The following ADK variants were observed in gnomAD, a reference collection of about 807,000 sequenced individuals.
The protein encoded by ADK is adenosine kinase.
A neutral mutation model predicts 44.7 loss-of-function variants in ADK; 24 were observed. The ratio of observed to expected loss-of-function variants is 0.54; its 90% confidence interval spans 0.39 to 0.76. ADK has a LOEUF of 0.76. ADK is among the 30% of genes least tolerant of loss of function. The pLI, the probability that ADK is intolerant of heterozygous loss-of-function variation, is 0.00. For missense variants in ADK, 321 were observed against 425.1 expected (o/e 0.76, Z 2.15); for synonymous variants, 128 against 142.6 (o/e 0.90, Z 0.73).
At chr10:74,616,336 A>T (rs980233566) in intron 9 of ADK, among the ~76,000 whole-genome samples, 5 of 152,060 alleles carry the variant, frequency 3.3e-5, no homozygotes, top group Non-Finnish European at 7.4e-5. Context: ...TTTTTTCTAA[A>T]ACTTCTATTC....
chr10:74,603,433 G>A (rs1178557108), intron 9 of ADK, among the ~76,000 whole-genome samples: 1 of 151,940 alleles, frequency 6.6e-6, no homozygotes. Context: ...GACAGGCCCT[G>A]GTGTGTGATG....
At chr10:74,635,257 A>T (rs1853585169) in intron 9 of ADK, among the ~76,000 whole-genome samples, 1 of 152,256 alleles carries the variant, frequency 6.6e-6, no homozygotes, top group Admixed American at 6.5e-5. Context: ...CACATTGCAT[A>T]GAATGGGAAA....
rs567840544 is a variant in ADK at position 74,375,470 on chromosome 10, T to G, written c.274-18671T>G. ...GAATGGATGTAGGCAGGCTAAAATA[T>G]GGACTCTCCAGAGATGTGGATATGC... On this transcript the variant is annotated intron_variant, in intron 4 of 10. Coordinates refer to ENST00000539909, the MANE Select transcript of ADK (RefSeq NM_006721.4). 3.3e-5 allele frequency among the ~76,000 whole-genome samples: 5 copies of G among 152,338 alleles called. No individual in the cohort carries two copies. The South Asian group carries it at 1.0e-3, about 32-fold the overall frequency.
At position 74,654,745 on chromosome 10, in the gene ADK, G is replaced by C. The variant is rs188851452; in HGVS notation, c.878-15438G>C. On this transcript the variant is annotated intron_variant, in intron 9 of 10. Transcript: ENST00000539909. Reference sequence around the variant, plus strand: ...GAGGATTGCTTGAACCCGGGAGGCAGAGGTTGCAGTGAGTAAGCCAAGATT... The same window carrying C: ...GAGGATTGCTTGAACCCGGGAGGCACAGGTTGCAGTGAGTAAGCCAAGATT... Among the ~76,000 whole-genome samples, 24 of 152,074 alleles carry C rather than the reference G, an allele frequency of 1.6e-4. No individual in the cohort carries two copies. The East Asian group carries it at 4.7e-3, about 29-fold the overall frequency.
intron 7 of ADK, among the ~76,000 whole-genome samples, chr10:74,555,581 A>G (rs1371416717): frequency 6.6e-6 from 1 of 151,540 alleles, no homozygotes; most frequent in Non-Finnish European, 1.5e-5. Flanking sequence ...ATTGCACTCT[A>G]GCCTGGGATA....
At chr10:74,692,919 T>G (rs912686354) in intron 10 of ADK, among the ~76,000 whole-genome samples, 3 of 152,094 alleles carry the variant, frequency 2.0e-5, no homozygotes, top group African/African-American at 7.2e-5. Flanking sequence ...AACTCAAGAC[T>G]GTATATCACA....
intron 3 of ADK, among the ~76,000 whole-genome samples, chr10:74,286,372 A>G (rs1390223056): frequency 6.6e-6 from 1 of 152,228 alleles, no homozygotes. Context: ...TTTTTAAAAC[A>G]TCCTGGCCAA....
chr10:74,585,263 A>G (rs1474197844), intron 7 of ADK, among the ~76,000 whole-genome samples: 3 of 152,214 alleles, frequency 2.0e-5, no homozygotes, highest in African/African-American at 7.2e-5. Flanking sequence ...ATGAGAGTCT[A>G]AGACTTTAAT....
chr10:74,186,755 A>G (rs1842781901), intron 1 of ADK, among the ~76,000 whole-genome samples: 1 of 152,218 alleles, frequency 6.6e-6, no homozygotes. Context: ...ACTTTTGTTC[A>G]ATATAATATT....
intron 4 of ADK, among the ~76,000 whole-genome samples, chr10:74,323,691 C>T (rs975625446): frequency 2.0e-5 from 3 of 151,736 alleles, no homozygotes; most frequent in African/African-American, 7.3e-5. Context: ...CTGCCTCAGC[C>T]TCCCGAGTAG....
At chr10:74,454,581 T>C (rs536798510) in intron 6 of ADK, among the ~76,000 whole-genome samples, 4 of 152,120 alleles carry the variant, frequency 2.6e-5, no homozygotes, top group Non-Finnish European at 5.9e-5. Context: ...TGCAAAATGG[T>C]ATAGGAGAGG....
chr10:74,580,516 A>G (rs1851337389), intron 7 of ADK, among the ~76,000 whole-genome samples: 2 of 151,912 alleles, frequency 1.3e-5, no homozygotes, highest in South Asian at 4.2e-4. Flanking sequence ...CAGAGGTTAC[A>G]GTGAGCTGAG....
chr10:74,493,507 G>C (rs977795824), intron 6 of ADK, among the ~76,000 whole-genome samples: 12 of 150,106 alleles, frequency 8.0e-5, no homozygotes, highest in African/African-American at 2.5e-4. Flanking sequence ...GAGAGATATA[G>C]ATATATAGAT....
At chr10:74,356,014 T>TTTTTTTTTTTTG (rs1842133009) in intron 4 of ADK, among the ~76,000 whole-genome samples, 1 of 128,214 alleles carries the variant, frequency 7.8e-6, no homozygotes, top group African/African-American at 2.9e-5. Context: ...TTTTTTTTTT[T>TTTTTTTTTTTTG]TTTTTTTTTT....
chr10:74,410,704 A>C (rs907760356), intron 6 of ADK, among the ~76,000 whole-genome samples: 2 of 152,070 alleles, frequency 1.3e-5, no homozygotes, highest in Non-Finnish European at 2.9e-5. Flanking sequence ...AAACAAACAA[A>C]AACTTACTTA....
chr10:74,353,114 CAT>C (rs1002690916), intron 4 of ADK, among the ~76,000 whole-genome samples: 9 of 152,196 alleles, frequency 5.9e-5, no homozygotes, highest in African/African-American at 1.9e-4. Context: ...CACATGCACA[CAT>C]GTGTTTATTG....
chr10:74,339,965 C>G (rs749493594), intron 4 of ADK, among the ~76,000 whole-genome samples: 1 of 152,076 alleles, frequency 6.6e-6, no homozygotes, highest in Non-Finnish European at 1.5e-5. Context: ...TATAATACTT[C>G]TATACTGAAA....
chr10:74,524,913 G>A (rs1265461137), intron 6 of ADK, among the ~76,000 whole-genome samples: 1 of 152,136 alleles, frequency 6.6e-6, no homozygotes, highest in Non-Finnish European at 1.5e-5. Context: ...AAAGGATTCA[G>A]TTTGCCTTCA....
intron 1 of ADK, among the ~76,000 whole-genome samples, chr10:74,152,332 C>T (rs1006796917): frequency 1.3e-5 from 2 of 152,168 alleles, no homozygotes; most frequent in Non-Finnish European, 2.9e-5. Flanking sequence ...ATTCCTACTA[C>T]CCTCAAAGGG....
Sources: gnomAD v4.1 joint callset for allele counts (sites outside exome capture counted in the v4.1 genomes callset) on GRCh38, gnomAD v4.1.1 for gene constraint, MANE v1.5 for transcripts, NCBI Gene and HGNC (gene_info 2026-07-23, HGNC 2026-07-21) for gene names.